Variants in UBE2QL1 observed in about 807,000 individuals in gnomAD.
UBE2QL1 encodes ubiquitin conjugating enzyme E2 QL1.
Under a neutral mutation model 12.6 loss-of-function variants are expected in UBE2QL1, and 5 were observed. The ratio of observed to expected loss-of-function variants is 0.40; its 90% confidence interval spans 0.21 to 0.83. The LOEUF (loss-of-function observed/expected upper bound fraction) is 0.83. Ranked by LOEUF, UBE2QL1 falls within the 40% of genes least tolerant of loss-of-function variation. The probability of loss-of-function intolerance (pLI) is 0.37; values close to 1 mark genes in which losing one functional copy is unlikely to be tolerated. For synonymous variants in UBE2QL1, 96 were observed against 94.5 expected (o/e 1.02, Z -0.10); for missense variants, 99 against 222.6 (o/e 0.44, Z 3.53).
At position 6,448,908 on chromosome 5, in the gene UBE2QL1, G is replaced by A; in HGVS notation, c.15G>A (p.Gln5=). The change falls in exon 1 of 2, where the codon CAG becomes CAA. Residue 5 remains glutamine (Q), a synonymous_variant. Transcript: ENST00000399816. ...GCCGGCGGCTCATGAAGGAGCTGCAGGACATCGCGCGCCTTAGCGACCGCT... is the reference window on the plus strand; with the variant it reads ...GCCGGCGGCTCATGAAGGAGCTGCAAGACATCGCGCGCCTTAGCGACCGCT... MKEL[Q]DIARLSDRFI... 1.3e-6 allele frequency: 2 copies of A among 1,538,360 alleles called. No individual in the cohort carries two copies. The highest frequency in any genetic ancestry group is 1.8e-6 in the Non-Finnish European group (2 of 1,141,538).
rs970731452 is a variant in UBE2QL1, at chr5:6,476,166, A to G, written c.355-15052A>G. On this transcript the variant is annotated intron_variant, in intron 1 of 1. Transcript: ENST00000399816. This position sits in a 1 kb window ranked among gnomAD's most constrained non-coding sequence, Gnocchi z 4.9. ...GTGGCACTGGGGCTCCCTTATTCCTAGGAGGCGGGGCCTGAGCAGGGAGGG... is the reference window on the plus strand; with the variant it reads ...GTGGCACTGGGGCTCCCTTATTCCTGGGAGGCGGGGCCTGAGCAGGGAGGG... Among the ~76,000 whole-genome samples, 1 of 150,920 alleles carries G rather than the reference A, an allele frequency of 6.6e-6. No homozygotes were observed. Among genetic ancestry groups the G allele is most frequent in the Non-Finnish European group, 1.5e-5 (1 of 67,750 alleles).
intron 1 of UBE2QL1, among the ~76,000 whole-genome samples, chr5:6,454,245 C>T (rs1415338315): frequency 6.6e-6 from 1 of 152,134 alleles, no homozygotes; most frequent in Admixed American, 6.5e-5. Context: ...AACAGAGGAC[C>T]TGGAAGTCCA....
At chr5:6,464,822 C>T (rs1261598438) in intron 1 of UBE2QL1, among the ~76,000 whole-genome samples, 1 of 152,160 alleles carries the variant, frequency 6.6e-6, no homozygotes, top group Non-Finnish European at 1.5e-5. Flanking sequence ...GGTATTTTAA[C>T]CTCTTGCAGT....
chr5:6,462,023 C>A (rs544227071), intron 1 of UBE2QL1, among the ~76,000 whole-genome samples: 1 of 152,110 alleles, frequency 6.6e-6, no homozygotes, highest in Non-Finnish European at 1.5e-5. Flanking sequence ...CCTTATTGGC[C>A]ATGATGAAGG....
chr5:6,496,491 G>A lies in UBE2QL1; in HGVS notation c.*5142G>A, dbSNP rs964783480. Among the ~76,000 whole-genome samples the A allele has an allele frequency of 6.6e-6, 1 of 152,238 alleles. No homozygotes were observed. Among genetic ancestry groups the A allele is most frequent in the Non-Finnish European group, 1.5e-5 (1 of 68,014 alleles). Reference sequence around the variant, plus strand: ...GACTGCGAACTTTCAGACTCTCACCGCAATTCATGGGGAGACTTTGGTGTA... The same window carrying A: ...GACTGCGAACTTTCAGACTCTCACCACAATTCATGGGGAGACTTTGGTGTA... On this transcript the variant is annotated 3_prime_UTR_variant, in exon 2 of 2. Coordinates refer to ENST00000399816, the MANE Select transcript of UBE2QL1 (RefSeq NM_001145161.3).
At chr5:6,464,242 C>T (rs1336388620) in intron 1 of UBE2QL1, among the ~76,000 whole-genome samples, 2 of 152,196 alleles carry the variant, frequency 1.3e-5, no homozygotes, top group African/African-American at 4.8e-5. Flanking sequence ...ACATTTGGCA[C>T]CTGCTAACCA....
chr5:6,480,672 G>A (rs1197568365), intron 1 of UBE2QL1, among the ~76,000 whole-genome samples: 1 of 152,198 alleles, frequency 6.6e-6, no homozygotes, highest in Admixed American at 6.5e-5. Context: ...TCTTTAAAAT[G>A]TAGAGGCAAG....
chr5:6,457,802 A>C (rs1462907818), intron 1 of UBE2QL1, among the ~76,000 whole-genome samples: 2 of 152,228 alleles, frequency 1.3e-5, no homozygotes, highest in Admixed American at 1.3e-4. Context: ...CACGTGTAGC[A>C]TTATTGTTCC....
intron 1 of UBE2QL1, among the ~76,000 whole-genome samples, chr5:6,458,767 A>G (rs1444608335): frequency 2.0e-5 from 3 of 152,258 alleles, no homozygotes; most frequent in Non-Finnish European, 4.4e-5. Flanking sequence ...AAACTTCACC[A>G]GAATTGAGTG....
rs181752972 is a variant in UBE2QL1 at position 6,493,430 on chromosome 5, T to A, written c.*2081T>A. ...CCAAAGGCAGGTCATTTCAGTAGTG[T>A]TTATTAGCTGATTGAAAAACAGGTT... On this transcript the variant is annotated 3_prime_UTR_variant, in exon 2 of 2. Transcript: ENST00000399816. The A allele has an allele frequency of 6.6e-6, 1 of 152,302 alleles. No individual in the cohort carries two copies. The highest frequency in any genetic ancestry group is 1.9e-4 in the East Asian group (1 of 5,180). The allele number at this position is 152,302 out of a possible 1,614,324, so 9.4% of individuals were successfully genotyped here.
At position 6,448,871 on chromosome 5, in the gene UBE2QL1, C is replaced by A; in HGVS notation, c.-23C>A. On this transcript the variant is annotated 5_prime_UTR_variant, in exon 1 of 2. Transcript: ENST00000399816. ...CCCGCGGCGCGCCAGCAACACTGCA[C>A]GCAGGTGCGCAGCCGGCGGCTCATG... The A allele has an allele frequency of 6.8e-7, 1 of 1,468,494 alleles. No homozygotes were observed. Among genetic ancestry groups the A allele is most frequent in the Admixed American group, 2.2e-5 (1 of 44,638 alleles). 91.0% of individuals were successfully genotyped at this position (1,468,494 alleles called of 1,614,324 possible). A position where few individuals can be genotyped will look rare whatever the true frequency, so the allele number is the denominator to read the frequency against.
At chr5:6,452,520 A>G (rs1377412575) in intron 1 of UBE2QL1, among the ~76,000 whole-genome samples, 1 of 152,192 alleles carries the variant, frequency 6.6e-6, no homozygotes, top group Non-Finnish European at 1.5e-5. Context: ...GAAAATGTTA[A>G]AAGTATACTT....
intron 1 of UBE2QL1, among the ~76,000 whole-genome samples, chr5:6,460,878 C>A (rs573142965): frequency 9.6e-4 from 147 of 152,338 alleles, no homozygotes; most frequent in African/African-American, 3.4e-3. Flanking sequence ...GCAATGCCCA[C>A]TTGAAAACTT....
At chr5:6,474,743 G>A (rs1184786288) in intron 1 of UBE2QL1, among the ~76,000 whole-genome samples, 2 of 152,194 alleles carry the variant, frequency 1.3e-5, no homozygotes, top group Admixed American at 6.5e-5. Flanking sequence ...GCACCTGAGA[G>A]GGGCAGTGAG....
rs1734637627 is a variant in UBE2QL1 at position 6,494,699 on chromosome 5, C to T, written c.*3350C>T. ...CTTTAATTAGAACCCACTTAGATATCGACTCAGAATGATCAATTACAGTGG... is the reference window on the plus strand; with the variant it reads ...CTTTAATTAGAACCCACTTAGATATTGACTCAGAATGATCAATTACAGTGG... On this transcript the variant is annotated 3_prime_UTR_variant, in exon 2 of 2. Coordinates refer to ENST00000399816, the MANE Select transcript of UBE2QL1 (RefSeq NM_001145161.3). 6.6e-6 allele frequency: 1 copy of T among 152,150 alleles called. No individual in the cohort carries two copies. The highest frequency in any genetic ancestry group is 6.5e-5 in the Admixed American group (1 of 15,280). The allele number at this position is 152,150 out of a possible 1,614,324, so 9.4% of individuals were successfully genotyped here.
At chr5:6,491,179 G>A (rs1579304889) in intron 1 of UBE2QL1, 39 bp from the exon 2 acceptor site, 4 of 1,495,080 alleles carry the variant, frequency 2.7e-6, no homozygotes, top group African/African-American at 2.8e-5. Context: ...AGAATTCCCA[G>A]TGACGTTCTA....
At chr5:6,454,020 A>G (rs1371078860) in intron 1 of UBE2QL1, among the ~76,000 whole-genome samples, 1 of 152,182 alleles carries the variant, frequency 6.6e-6, no homozygotes, top group Non-Finnish European at 1.5e-5. Flanking sequence ...AGTTGGGACT[A>G]CAGGTGCACA....
In UBE2QL1 at chr5:6,496,532, T is replaced by G. The variant is rs188205986; in HGVS notation, c.*5183T>G. 4.6e-5 allele frequency among the ~76,000 whole-genome samples: 7 copies of G among 152,270 alleles called. No individual in the cohort carries two copies. In the East Asian group the frequency reaches 1.4e-3, roughly 29 times the overall value. On this transcript the variant is annotated 3_prime_UTR_variant, in exon 2 of 2. Coordinates refer to ENST00000399816, the MANE Select transcript of UBE2QL1 (RefSeq NM_001145161.3). ...CTTTGGTGTATCCTGTTTCCAGAGT[T>G]GTCCTCTTCTGTGATCCTCAAAAGA...
chr5:6,466,821 G>A (rs1032099064), intron 1 of UBE2QL1, among the ~76,000 whole-genome samples: 5 of 152,164 alleles, frequency 3.3e-5, no homozygotes, highest in African/African-American at 1.2e-4. Flanking sequence ...GTTTTAGTAC[G>A]TGAGAATAAG....
Sources: gnomAD v4.1 joint callset for allele counts (sites outside exome capture counted in the v4.1 genomes callset) on GRCh38, gnomAD v4.1.1 for gene constraint, Gnocchi (gnomAD v3.1) non-coding constraint, MANE v1.5 for transcripts, NCBI Gene and HGNC (gene_info 2026-07-23, HGNC 2026-07-21) for gene names.